The following ATP9B variants were observed in gnomAD, a reference collection of about 807,000 sequenced individuals.
ATP9B encodes ATPase phospholipid transporting 9B.
A neutral mutation model predicts 146.1 loss-of-function variants in ATP9B; 110 were observed. The observed-to-expected ratio is 0.75, with a 90% CI of 0.65 to 0.88. The LOEUF (loss-of-function observed/expected upper bound fraction) is 0.88, where lower values mean the gene tolerates loss of function less well. Among genes scored for constraint, ATP9B ranks in the 40% least tolerant of loss-of-function variants. The pLI, the probability that ATP9B is intolerant of heterozygous loss-of-function variation, is 0.00. For synonymous variants in ATP9B, 604 were observed against 569.7 expected (o/e 1.06, Z -0.86); for missense variants, 1,499 against 1,496.4 (o/e 1.00, Z -0.03).
intron 17 of ATP9B, among the ~76,000 whole-genome samples, chr18:79,332,178 C>T (rs931801281): frequency 6.6e-6 from 1 of 152,230 alleles, no homozygotes; most frequent in Non-Finnish European, 1.5e-5. Context: ...GCCTGTAATG[C>T]CAGCACTTTG....
intron 15 of ATP9B, among the ~76,000 whole-genome samples, chr18:79,324,334 CT>C (rs770056161): frequency 7.2e-5 from 11 of 152,062 alleles, no homozygotes; most frequent in Non-Finnish European, 1.3e-4. Context: ...TCCATTTTTG[CT>C]TTGGTTGCCT....
At chr18:79,345,747 A>G in intron 22 of ATP9B, 28 bp from the exon 23 acceptor site, 1 of 1,614,076 alleles carries the variant, frequency 6.2e-7, no homozygotes, top group South Asian at 1.1e-5. Context: ...ATAAGGTTTT[A>G]TTTCATCTCA....
At chr18:79,306,204 T>G (rs2096619483) in intron 14 of ATP9B, among the ~76,000 whole-genome samples, 1 of 152,362 alleles carries the variant, frequency 6.6e-6, no homozygotes, top group African/African-American at 2.4e-5. Flanking sequence ...AGGATTGTCA[T>G]GAGTTACTCC....
chr18:79,276,751 A>C (rs1469392328), intron 12 of ATP9B, among the ~76,000 whole-genome samples: 2 of 152,252 alleles, frequency 1.3e-5, no homozygotes, highest in African/African-American at 4.8e-5. Flanking sequence ...ATGTTTGTTG[A>C]CTTAAATGTC....
At chr18:79,190,339 G>T (rs1395360205) in intron 8 of ATP9B, among the ~76,000 whole-genome samples, 1 of 151,972 alleles carries the variant, frequency 6.6e-6, no homozygotes, top group Non-Finnish European at 1.5e-5. Flanking sequence ...TATCTTCAAG[G>T]TTTTTCAAAT....
intron 1 of ATP9B, among the ~76,000 whole-genome samples, chr18:79,096,264 A>C (rs1462297817): frequency 6.6e-6 from 1 of 152,094 alleles, no homozygotes; most frequent in Non-Finnish European, 1.5e-5. Context: ...CGGTTAACAG[A>C]GACTTCTTCA....
At chr18:79,184,535 ATTATC>A (rs1368507575) in intron 8 of ATP9B, among the ~76,000 whole-genome samples, 1 of 151,364 alleles carries the variant, frequency 6.6e-6, no homozygotes, top group African/African-American at 2.4e-5. Flanking sequence ...AGTCTGTTCT[ATTATC>A]TTATTACTTG....
intron 19 of ATP9B, among the ~76,000 whole-genome samples, chr18:79,341,662 C>T (rs1207599269): frequency 7.0e-6 from 1 of 143,132 alleles, no homozygotes; most frequent in Non-Finnish European, 1.5e-5. Flanking sequence ...GCCAACACAC[C>T]ATTTAGTTGT....
chr18:79,312,962 G>A (rs937992927), intron 15 of ATP9B, among the ~76,000 whole-genome samples: 7 of 152,156 alleles, frequency 4.6e-5, no homozygotes, highest in African/African-American at 1.4e-4. Context: ...TGTCGTCATC[G>A]TATAGAGTTT....
chr18:79,114,142 T>C (rs1478771787), intron 4 of ATP9B, among the ~76,000 whole-genome samples: 3 of 152,162 alleles, frequency 2.0e-5, no homozygotes, highest in African/African-American at 7.2e-5. Context: ...GTGGTTTTAG[T>C]AGAGACGGCG....
chr18:79,246,769 T>A (rs1485341848), intron 11 of ATP9B, among the ~76,000 whole-genome samples: 4 of 152,118 alleles, frequency 2.6e-5, no homozygotes, highest in Admixed American at 6.5e-5. Flanking sequence ...ATGGGAGGTG[T>A]GAGTACGACT....
intron 3 of ATP9B, among the ~76,000 whole-genome samples, chr18:79,111,585 A>C (rs929456838): frequency 1.3e-4 from 20 of 152,224 alleles, no homozygotes; most frequent in African/African-American, 4.8e-4. Context: ...TTTTCTGCTT[A>C]GGTTTAAATT....
intron 7 of ATP9B, among the ~76,000 whole-genome samples, chr18:79,166,297 CTG>C (rs2094963547): frequency 6.6e-6 from 1 of 152,180 alleles, no homozygotes. Flanking sequence ...AGCCAGGAGA[CTG>C]TGAGCATGTG....
chr18:79,275,604 G>T (rs2145700489), intron 12 of ATP9B, among the ~76,000 whole-genome samples: 1 of 152,362 alleles, frequency 6.6e-6, no homozygotes, highest in East Asian at 1.9e-4. Flanking sequence ...CCATTTGTTA[G>T]GAGGCACTGG....
chr18:79,348,251 A>C, intron 25 of ATP9B, 55 bp downstream of exon 25: 6 of 130,960 alleles, frequency 4.6e-5, no homozygotes, highest in Non-Finnish European at 4.1e-5. Context: ...CTATTTTGAA[A>C]AAAAAAAAAA....
chr18:79,170,302 C>A (rs1197310780), intron 7 of ATP9B, among the ~76,000 whole-genome samples: 1 of 152,212 alleles, frequency 6.6e-6, no homozygotes, highest in East Asian at 1.9e-4. Context: ...CAGTGATAAA[C>A]AGGATGGGGA....
intron 6 of ATP9B, among the ~76,000 whole-genome samples, chr18:79,151,074 G>T (rs1373611717): frequency 6.6e-6 from 1 of 152,168 alleles, no homozygotes; most frequent in Non-Finnish European, 1.5e-5. Context: ...TGATGTCTTT[G>T]CAGAAATTGA....
intron 1 of ATP9B, among the ~76,000 whole-genome samples, chr18:79,087,074 T>G (rs569981006): frequency 6.6e-6 from 1 of 152,324 alleles, no homozygotes; most frequent in African/African-American, 2.4e-5. Context: ...AAGATCAAGG[T>G]ATTGACGTCT....
intron 16 of ATP9B, 31 bp from the exon 17 acceptor site, chr18:79,329,981 T>C (rs1568711896): frequency 6.2e-7 from 1 of 1,603,180 alleles, no homozygotes; most frequent in African/African-American, 1.3e-5. Flanking sequence ...GCAGCCTAAA[T>C]GTGCCTCTGT....
Sources: gnomAD v4.1 joint callset for allele counts (sites outside exome capture counted in the v4.1 genomes callset) on GRCh38, gnomAD v4.1.1 for gene constraint, MANE v1.5 for transcripts, NCBI Gene and HGNC (gene_info 2026-07-23, HGNC 2026-07-21) for gene names.